Variants in RIMS2 observed in about 807,000 individuals in gnomAD.
RIMS2 encodes regulating synaptic membrane exocytosis 2.
Under a neutral mutation model 174.4 loss-of-function variants are expected in RIMS2, and 59 were observed. The ratio of observed to expected loss-of-function variants is 0.34; its 90% confidence interval spans 0.27 to 0.42. The LOEUF is 0.42. Ranked by LOEUF, RIMS2 falls within the 10% of genes least tolerant of loss-of-function variation. The pLI is 1.00. For synonymous variants in RIMS2, 606 were observed against 572.5 expected (o/e 1.06, Z -0.84); for missense variants, 1,620 against 1,666.3 (o/e 0.97, Z 0.48).
chr8:103,929,015 A>G (rs918902336), intron 11 of RIMS2, among the ~76,000 whole-genome samples: 2 of 151,724 alleles, frequency 1.3e-5, no homozygotes, highest in African/African-American at 2.4e-5. Context: ...TGCAAGTCCT[A>G]TAATATAAAT....
intron 4 of RIMS2, among the ~76,000 whole-genome samples, chr8:103,907,436 T>C (rs2074668112): frequency 6.6e-6 from 1 of 152,194 alleles, no homozygotes. Context: ...ATTTGATAAG[T>C]AAAAATCATT....
chr8:103,951,370 C>T (rs894522977), intron 14 of RIMS2, among the ~76,000 whole-genome samples: 6 of 152,314 alleles, frequency 3.9e-5, no homozygotes, highest in East Asian at 1.9e-4. Context: ...GCGAGATCGA[C>T]GCAGAAGGCG....
intron 14 of RIMS2, among the ~76,000 whole-genome samples, chr8:103,945,699 A>G (rs1034926706): frequency 6.6e-6 from 1 of 152,106 alleles, no homozygotes; most frequent in African/African-American, 2.4e-5. Context: ...ACATGAATAT[A>G]TGAAAATATG....
intron 2 of RIMS2, among the ~76,000 whole-genome samples, chr8:103,752,102 T>C (rs1469396764): frequency 6.6e-6 from 1 of 152,256 alleles, no homozygotes; most frequent in Admixed American, 6.5e-5. Flanking sequence ...TTTAAGTCTT[T>C]CATCCATCTT....
intron 3 of RIMS2, among the ~76,000 whole-genome samples, chr8:103,775,165 G>T (rs1220056477): frequency 2.0e-5 from 3 of 152,028 alleles, no homozygotes; most frequent in African/African-American, 7.2e-5. Flanking sequence ...ATGGTTTAAG[G>T]ACTATCTAGG....
intron 1 of RIMS2, among the ~76,000 whole-genome samples, chr8:103,693,961 T>A (rs2097065121): frequency 1.3e-5 from 2 of 152,210 alleles, no homozygotes; most frequent in Middle Eastern, 3.4e-3. Context: ...GGACCCAGAG[T>A]CCATGGGACC....
intron 2 of RIMS2, among the ~76,000 whole-genome samples, chr8:103,764,223 A>T (rs765136410): frequency 6.6e-6 from 1 of 152,190 alleles, no homozygotes; most frequent in Non-Finnish European, 1.5e-5. Flanking sequence ...TAGTGATTGG[A>T]TAATTGTCTG....
In RIMS2 at chr8:103,776,351, T is replaced by C. The variant is rs1355178149; in HGVS notation, c.698+9814T>C. Among the ~76,000 whole-genome samples the C allele has an allele frequency of 2.6e-5, 4 of 152,086 alleles. No homozygotes were observed. The East Asian group carries it at 7.7e-4, about 29-fold the overall frequency. On this transcript the variant is annotated intron_variant, in intron 3 of 23. Coordinates refer to ENST00000504942, the Ensembl canonical transcript of RIMS2. ...ATTTGACATTGCTGTGCCATTTGCC[T>C]TTTGATGTATTGGTCAGTTTAGTCA...
intron 1 of RIMS2, among the ~76,000 whole-genome samples, chr8:103,674,255 C>G (rs765019161): frequency 3.3e-5 from 5 of 152,148 alleles, no homozygotes; most frequent in Non-Finnish European, 7.3e-5. Context: ...CTTCTGAGCC[C>G]TCCAAACTCT....
chr8:103,860,066 A>G (rs929088717), intron 3 of RIMS2, among the ~76,000 whole-genome samples: 1 of 152,182 alleles, frequency 6.6e-6, no homozygotes, highest in Non-Finnish European at 1.5e-5. Context: ...AATCAACATC[A>G]TTGAAGATGG....
At chr8:104,101,641 G>T (rs1395216040) in intron 19 of RIMS2, among the ~76,000 whole-genome samples, 1 of 151,998 alleles carries the variant, frequency 6.6e-6, no homozygotes, top group Non-Finnish European at 1.5e-5. Context: ...GTCTCATATA[G>T]TTACCTTTCT....
At chr8:103,852,511 CAAGCATGGTACCTAATAGG>C (rs2099004632) in intron 3 of RIMS2, among the ~76,000 whole-genome samples, 1 of 151,016 alleles carries the variant, frequency 6.6e-6, no homozygotes, top group African/African-American at 2.4e-5. Context: ...AACCAGGTTG[CAAGCATGGTACCTAATAGG>C]TAGTTTTTTG....
intron 3 of RIMS2, among the ~76,000 whole-genome samples, chr8:103,879,915 A>C (rs189516717): frequency 2.0e-4 from 30 of 151,756 alleles, no homozygotes; most frequent in Admixed American, 1.1e-3. Flanking sequence ...TTTTTAAATC[A>C]CTGAATGAGC....
At chr8:104,208,160 C>G (rs1427458404) in intron 19 of RIMS2, among the ~76,000 whole-genome samples, 1 of 151,990 alleles carries the variant, frequency 6.6e-6, no homozygotes, top group African/African-American at 2.4e-5. Context: ...TATTCCTGGC[C>G]AGAGATATAG....
intron 12 of RIMS2, among the ~76,000 whole-genome samples, chr8:103,934,568 A>G (rs533377343): frequency 6.6e-6 from 1 of 152,268 alleles, no homozygotes; most frequent in African/African-American, 2.4e-5. Flanking sequence ...GAGATTGTCT[A>G]TTCCTCTTCC....
chr8:103,916,335 G>C, intron 7 of RIMS2, 79 bp from the exon 11 acceptor site: 1 of 991,552 alleles, frequency 1.0e-6, no homozygotes. Flanking sequence ...GGAGTTTATT[G>C]AAGTTTAAGA....
At chr8:103,550,068 A>G (rs1349643141) in intron 1 of RIMS2, among the ~76,000 whole-genome samples, 1 of 152,196 alleles carries the variant, frequency 6.6e-6, no homozygotes, top group Non-Finnish European at 1.5e-5. Context: ...GTTAACAAGG[A>G]TATCCAGGAA....
intron 3 of RIMS2, among the ~76,000 whole-genome samples, chr8:103,835,613 G>A (rs922543421): frequency 8.5e-5 from 13 of 152,152 alleles, no homozygotes; most frequent in African/African-American, 2.7e-4. Context: ...GTTAGCTTGA[G>A]TGGAGCTGGC....
At chr8:103,751,054 C>T (rs1215298763) in intron 2 of RIMS2, among the ~76,000 whole-genome samples, 1 of 152,128 alleles carries the variant, frequency 6.6e-6, no homozygotes, top group East Asian at 1.9e-4. Context: ...CTTCTCTTGT[C>T]TACTCCCATG....
Sources: gnomAD v4.1 joint callset for allele counts (sites outside exome capture counted in the v4.1 genomes callset) on GRCh38, gnomAD v4.1.1 for gene constraint, MANE v1.5 for transcripts, NCBI Gene and HGNC (gene_info 2026-07-23, HGNC 2026-07-21) for gene names.